The following DRC8 variants were observed in gnomAD, a reference collection of about 807,000 sequenced individuals.
The protein encoded by DRC8 is dynein regulatory complex subunit 8, also known as dynein regulatory complex protein 8.
At chr1:245,034,600 C>CAAAAAAAAAAAAAAAAAAAAAAAAAAA in the DRC8 span, among the ~76,000 whole-genome samples, 1 of 39,492 alleles carries the variant, frequency 2.5e-5, no homozygotes, top group Non-Finnish European at 4.1e-5. Context: ...GACTCCATCT[C>CAAAAAAAAAAAAAAAAAAAAAAAAAAA]AAAAAAAAAA....
the DRC8 span, among the ~76,000 whole-genome samples, chr1:245,054,037 G>A: frequency 6.6e-6 from 1 of 151,718 alleles, no homozygotes; most frequent in African/African-American, 2.4e-5. Flanking sequence ...TTTCCCAGTA[G>A]CATTAAAATA....
At chr1:244,998,121 CT>C in the DRC8 span, among the ~76,000 whole-genome samples, 2 of 152,320 alleles carry the variant, frequency 1.3e-5, no homozygotes, top group East Asian at 3.9e-4. Flanking sequence ...GTAAGACACT[CT>C]GAAATCTTGA....
the DRC8 span, among the ~76,000 whole-genome samples, chr1:245,073,168 C>T: frequency 1.3e-5 from 2 of 152,208 alleles, no homozygotes; most frequent in Non-Finnish European, 2.9e-5. Flanking sequence ...CAGAGTCTCA[C>T]TCTGTTGCCC....
chr1:245,093,900 G>T, the DRC8 span, among the ~76,000 whole-genome samples: 240 of 152,238 alleles, frequency 1.6e-3, no homozygotes, highest in African/African-American at 5.3e-3. Context: ...TAAGTTTTCA[G>T]CTATTAGTAA....
chr1:245,020,135 A>G, the DRC8 span, among the ~76,000 whole-genome samples: 2 of 152,122 alleles, frequency 1.3e-5, no homozygotes, highest in African/African-American at 4.8e-5. Flanking sequence ...CTTCCTGTGT[A>G]GGGCTGATCT....
At chr1:245,034,620 A>G in the DRC8 span, among the ~76,000 whole-genome samples, 3 of 149,894 alleles carry the variant, frequency 2.0e-5, no homozygotes, top group Non-Finnish European at 4.4e-5. Flanking sequence ...AAAAAAAAAA[A>G]AAAAAAAGAA....
At chr1:245,048,297 CTG>C in the DRC8 span, among the ~76,000 whole-genome samples, 5 of 152,152 alleles carry the variant, frequency 3.3e-5, no homozygotes, top group Non-Finnish European at 5.9e-5. Context: ...CTCCAAGTTT[CTG>C]AAGTACTGAG....
At chr1:245,059,571 G>A in the DRC8 span, 3 of 752,108 alleles carry the variant, frequency 4.0e-6, no homozygotes, top group Non-Finnish European at 6.4e-6. Context: ...ACTACTGAAT[G>A]TGCTCAGTGG....
the DRC8 span, chr1:245,002,091 A>G: frequency 6.5e-7 from 1 of 1,544,898 alleles, no homozygotes; most frequent in Non-Finnish European, 8.8e-7. Flanking sequence ...TTGATCACCA[A>G]GTACTCTTCA....
chr1:245,036,587 ACTC>A, the DRC8 span, among the ~76,000 whole-genome samples: 1 of 152,224 alleles, frequency 6.6e-6, no homozygotes, highest in African/African-American at 2.4e-5. Context: ...AATAGAAACA[ACTC>A]ATGTCAATCA....
the DRC8 span, among the ~76,000 whole-genome samples, chr1:245,027,135 G>A: frequency 6.6e-6 from 1 of 152,106 alleles, no homozygotes; most frequent in Non-Finnish European, 1.5e-5. Flanking sequence ...ATCTCACTTT[G>A]TAGTTGCTTT....
the DRC8 span, among the ~76,000 whole-genome samples, chr1:245,107,448 G>A: frequency 1.1e-4 from 16 of 152,316 alleles, no homozygotes; most frequent in Non-Finnish European, 2.1e-4. Flanking sequence ...CTGATCGGAG[G>A]ACCTCGCCTC....
At chr1:245,115,451 G>A in the DRC8 span, among the ~76,000 whole-genome samples, 637 of 152,358 alleles carry the variant, frequency 4.2e-3, 10 homozygotes, top group African/African-American at 0.015. Context: ...CTGGGAAGGT[G>A]CACTTTTTAG....
the DRC8 span, among the ~76,000 whole-genome samples, chr1:245,111,462 A>G: frequency 2.2e-4 from 34 of 152,374 alleles, no homozygotes; most frequent in Non-Finnish European, 4.7e-4. Flanking sequence ...CACTTTGTTT[A>G]CAATGCAGTT....
chr1:245,008,639 C>G, the DRC8 span, among the ~76,000 whole-genome samples: 1 of 149,082 alleles, frequency 6.7e-6, no homozygotes, highest in Non-Finnish European at 1.5e-5. Flanking sequence ...CTACCTATCT[C>G]AAAAATGTGA....
the DRC8 span, among the ~76,000 whole-genome samples, chr1:245,101,438 T>C: frequency 2.6e-5 from 4 of 152,224 alleles, no homozygotes; most frequent in Non-Finnish European, 4.4e-5. Flanking sequence ...TTTACAGGTG[T>C]TGTATCCTTC....
the DRC8 span, among the ~76,000 whole-genome samples, chr1:244,982,941 G>A: frequency 2.6e-5 from 4 of 152,038 alleles, no homozygotes; most frequent in Admixed American, 2.0e-4. Flanking sequence ...GTGGTGGTGG[G>A]TGCCTGTAAT....
chr1:245,116,798 G>A, the DRC8 span, among the ~76,000 whole-genome samples: 1 of 152,174 alleles, frequency 6.6e-6, no homozygotes, highest in Non-Finnish European at 1.5e-5. Flanking sequence ...CGGAAGAGCT[G>A]TATAATAAAA....
chr1:245,081,480 T>C, the DRC8 span, among the ~76,000 whole-genome samples: 1 of 149,662 alleles, frequency 6.7e-6, no homozygotes, highest in African/African-American at 2.5e-5. Flanking sequence ...TTTTTTATTT[T>C]TTTATTGAGA....
Sources: gnomAD v4.1 joint callset for allele counts (sites outside exome capture counted in the v4.1 genomes callset) on GRCh38, gnomAD v4.1.1 for gene constraint, MANE v1.5 for transcripts, NCBI Gene and HGNC (gene_info 2026-07-23, HGNC 2026-07-21) for gene names.